Variants in APBB1IP observed in about 807,000 individuals in gnomAD.
The protein encoded by APBB1IP is amyloid beta precursor protein binding family B member 1 interacting protein, also known as amyloid beta A4 precursor protein-binding family B member 1-interacting protein.
In APBB1IP, 27 loss-of-function variants were observed where a neutral mutation model predicts 64.9. The observed-to-expected ratio is 0.42, with a 90% CI of 0.31 to 0.57. APBB1IP has a LOEUF of 0.57. Among genes scored for constraint, APBB1IP ranks in the 20% least tolerant of loss-of-function variants. APBB1IP has a pLI of 0.20. For missense variants in APBB1IP, 812 were observed against 845.5 expected (o/e 0.96, Z 0.49); for synonymous variants, 392 against 331.0 (o/e 1.18, Z -2.00).
intron 11 of APBB1IP, 37 bp downstream of exon 11, chr10:26,541,729 C>A (rs1402021960): frequency 7.1e-7 from 1 of 1,415,568 alleles, no homozygotes; most frequent in Non-Finnish European, 9.7e-7. Flanking sequence ...GATTTATAAG[C>A]AATTTGAGTT....
intron 2 of APBB1IP, among the ~76,000 whole-genome samples, chr10:26,447,231 C>T (rs1051751729): frequency 7.9e-5 from 12 of 151,698 alleles, no homozygotes; most frequent in Admixed American, 2.0e-4. Flanking sequence ...AAAAATTAGC[C>T]AGGCATGGTG....
intron 8 of APBB1IP, among the ~76,000 whole-genome samples, chr10:26,528,018 A>G (rs537638022): frequency 6.6e-6 from 1 of 152,226 alleles, no homozygotes; most frequent in African/African-American, 2.4e-5. Context: ...GTCCCTGGAT[A>G]GCACAGAACT....
rs755767751 is a variant in APBB1IP at position 26,562,373 on chromosome 10, A to G, written c.1417A>G (p.Thr473Ala). Residue 473 changes from threonine (T) to alanine (A), a missense_variant, in exon 14 of 15, where the codon ACA becomes GCA. Transcript: ENST00000376236. ...TQPNGQIPQA[T>A]HSVSAVLQEA... The stretch of plus-strand genomic sequence containing the variant: ...GCCCAATGGACAGATTCCCCAGGCT[A>G]CACATTCTGTCAGTGCTGTTCTCCA... 24 of 1,614,058 alleles carry G rather than the reference A, an allele frequency of 1.5e-5. No individual in the cohort carries two copies. The highest frequency in any genetic ancestry group is 1.9e-5 in the Non-Finnish European group (22 of 1,179,938).
intron 7 of APBB1IP, among the ~76,000 whole-genome samples, chr10:26,513,144 A>C (rs1164863863): frequency 6.6e-6 from 1 of 152,178 alleles, no homozygotes; most frequent in African/African-American, 2.4e-5. Flanking sequence ...CTCTGGGTAC[A>C]CTGGCATATG....
chr10:26,518,935 G>A (rs10764629), intron 8 of APBB1IP, among the ~76,000 whole-genome samples: 8 of 152,018 alleles, frequency 5.3e-5, no homozygotes, highest in Admixed American at 1.3e-4. Context: ...CATTTCTAGC[G>A]GTTTTGTGTA....
intron 11 of APBB1IP, among the ~76,000 whole-genome samples, chr10:26,558,858 C>T (rs1231949484): frequency 6.6e-6 from 1 of 152,184 alleles, no homozygotes; most frequent in East Asian, 1.9e-4. Context: ...TTCACACCTG[C>T]CCATTTCCTT....
chr10:26,507,473 G>A (rs1197235655), intron 6 of APBB1IP, among the ~76,000 whole-genome samples: 3 of 152,144 alleles, frequency 2.0e-5, no homozygotes, highest in Non-Finnish European at 4.4e-5. Context: ...CTCCAGCCTG[G>A]GTGGCAGAGC....
intron 6 of APBB1IP, among the ~76,000 whole-genome samples, chr10:26,506,418 T>A (rs572931012): frequency 9.9e-4 from 150 of 152,204 alleles, no homozygotes; most frequent in Non-Finnish European, 1.8e-3. Flanking sequence ...CACTATTTTT[T>A]AAAATTATTT....
At position 26,535,829 on chromosome 10, in the gene APBB1IP, C is replaced by A. The variant is rs547336813; in HGVS notation, c.901-245C>A. Reference sequence around the variant, plus strand: ...GTAAGTGGACTGAGGTTTAATGGCCCACGGTCACAGAGTTAAGTGGTGAAG... The same window carrying A: ...GTAAGTGGACTGAGGTTTAATGGCCAACGGTCACAGAGTTAAGTGGTGAAG... On this transcript the variant is annotated intron_variant, in intron 9 of 14. Coordinates refer to ENST00000376236, the MANE Select transcript of APBB1IP (RefSeq NM_019043.4). Among the ~76,000 whole-genome samples the A allele has an allele frequency of 2.0e-5, 3 of 152,142 alleles. 1 individual carries two copies. The East Asian group carries it at 5.8e-4, about 29-fold the overall frequency.
At chr10:26,525,324 A>G (rs1033169853) in intron 8 of APBB1IP, among the ~76,000 whole-genome samples, 3 of 152,104 alleles carry the variant, frequency 2.0e-5, no homozygotes, top group Admixed American at 6.6e-5. Flanking sequence ...TCTACTTAGC[A>G]TAAAAATACA....
chr10:26,482,032 C>CT (rs1225878140), intron 2 of APBB1IP, among the ~76,000 whole-genome samples: 2 of 152,168 alleles, frequency 1.3e-5, no homozygotes, highest in African/African-American at 4.8e-5. Context: ...GTTGTCTTGG[C>CT]TGTCCCTTCT....
chr10:26,540,584 A>G (rs1836684840), intron 10 of APBB1IP, among the ~76,000 whole-genome samples: 1 of 152,186 alleles, frequency 6.6e-6, no homozygotes, highest in Admixed American at 6.5e-5. Flanking sequence ...CCAGAAGAAA[A>G]TATCTTGTAA....
chr10:26,567,356 G>A lies in APBB1IP; in HGVS notation c.1869G>A (p.Val623=), dbSNP rs1276194354. The part of the protein sequence containing the change: ...VPDSARPPPA[V]AKRPPVPPKR... ...ACTCCGCCAGGCCGCCCCCCGCGGT[G>A]GCCAAGAGGCCTCCTGTGCCCCCCA... Residue 623 remains valine (V), a synonymous_variant, in exon 15 of 15, where the codon GTG becomes GTA. Transcript: ENST00000376236. 1 of 1,514,136 alleles carries A rather than the reference G, an allele frequency of 6.6e-7. No homozygotes were observed. Among genetic ancestry groups the A allele is most frequent in the Non-Finnish European group, 8.9e-7 (1 of 1,122,314 alleles). The allele number at this position is 1,514,136 out of a possible 1,614,324, so 93.8% of individuals were successfully genotyped here. A position where few individuals can be genotyped will look rare whatever the true frequency, so the allele number is the denominator to read the frequency against.
At chr10:26,448,575 G>A (rs1029289666) in intron 2 of APBB1IP, among the ~76,000 whole-genome samples, 3 of 152,138 alleles carry the variant, frequency 2.0e-5, no homozygotes, top group Non-Finnish European at 4.4e-5. Context: ...GAATTCTAAA[G>A]TATTCAGAAT....
intron 2 of APBB1IP, among the ~76,000 whole-genome samples, chr10:26,490,779 TG>T (rs1181419171): frequency 6.6e-6 from 1 of 152,250 alleles, no homozygotes; most frequent in Non-Finnish European, 1.5e-5. Flanking sequence ...CTGGACAATG[TG>T]TACATGAAAA....
intron 2 of APBB1IP, among the ~76,000 whole-genome samples, chr10:26,441,394 A>C (rs980383072): frequency 2.0e-5 from 3 of 152,176 alleles, no homozygotes; most frequent in African/African-American, 7.2e-5. Flanking sequence ...AGCCGCATGA[A>C]GGAATGCCAT....
intron 2 of APBB1IP, among the ~76,000 whole-genome samples, chr10:26,466,515 A>C (rs1835650149): frequency 6.6e-6 from 1 of 152,228 alleles, no homozygotes; most frequent in Non-Finnish European, 1.5e-5. Context: ...GAAGTTATCC[A>C]GTTGGCTGGA....
chr10:26,454,271 T>A (rs6482563), intron 2 of APBB1IP, among the ~76,000 whole-genome samples: 60,335 of 151,654 alleles, frequency 0.4, 12,077 homozygotes, highest in South Asian at 0.5. Context: ...CAAAAGCCCA[T>A]GTCTACTAAA....
intron 2 of APBB1IP, among the ~76,000 whole-genome samples, chr10:26,463,401 C>T (rs1161807995): frequency 3.9e-5 from 6 of 152,182 alleles, no homozygotes; most frequent in Non-Finnish European, 8.8e-5. Context: ...GACTGTGCCA[C>T]TGTACTCCAG....
Sources: gnomAD v4.1 joint callset for allele counts (sites outside exome capture counted in the v4.1 genomes callset) on GRCh38, gnomAD v4.1.1 for gene constraint, MANE v1.5 for transcripts, NCBI Gene and HGNC (gene_info 2026-07-23, HGNC 2026-07-21) for gene names.